COL4A4: variants seen among roughly 807,000 people sequenced by gnomAD.
The protein encoded by COL4A4 is collagen type IV alpha 4 chain.
COL4A4 carries 105 observed loss-of-function variants against 192.9 expected under a neutral mutation model. The ratio of observed to expected loss-of-function variants is 0.54; its 90% CI spans 0.46 to 0.64. The LOEUF (loss-of-function observed/expected upper bound fraction) is 0.64, where lower values mean the gene tolerates loss of function less well. Ranked by LOEUF, COL4A4 falls within the 30% of genes least tolerant of loss-of-function variation. The pLI, the probability that COL4A4 is intolerant of heterozygous loss-of-function variation, is 0.00. For missense variants in COL4A4, 1,967 were observed against 2,169.3 expected (o/e 0.91, Z 1.85); for synonymous variants, 762 against 769.9 (o/e 0.99, Z 0.17).
At chr2:227,141,535 G>T (rs189038822) in intron 3 of COL4A4, among the ~76,000 whole-genome samples, 2 of 151,992 alleles carry the variant, frequency 1.3e-5, no homozygotes, top group Non-Finnish European at 2.9e-5. Flanking sequence ...CTTTTCACTC[G>T]CACAGTTTAG....
intron 34 of COL4A4, 141 bp downstream of exon 34, chr2:227,049,927 T>C (rs1435426806): frequency 9.1e-6 from 7 of 770,372 alleles, no homozygotes; most frequent in Non-Finnish European, 1.6e-5. Flanking sequence ...TCTTGAGTGT[T>C]TGACTGTCTA....
chr2:227,041,848 G>GAGAAAGAAAGAGAAAGAAAGAGAA (rs1971310289), intron 37 of COL4A4, among the ~76,000 whole-genome samples: 1 of 38,692 alleles, frequency 2.6e-5, no homozygotes, highest in Non-Finnish European at 4.7e-5. Context: ...AAGAAAGAAA[G>GAGAAAGAAAGAGAAAGAAAGAGAA]AGAAAGAAAG....
rs1326593215 is a variant in COL4A4 at position 227,078,090 on chromosome 2, T to C, written c.1804-13A>G. The C allele has an allele frequency of 1.9e-6, 3 of 1,613,620 alleles. No individual in the cohort carries two copies. Among genetic ancestry groups the C allele is most frequent in the Admixed American group, 3.3e-5 (2 of 59,966 alleles). The stretch of plus-strand genomic sequence containing the variant: ...CTTCATGATCCCCCTGGGAATGTTA[T>C]GTCATGAGTCAATTACCAACCACTG... On this transcript the variant is annotated splice_polypyrimidine_tract_variant and intron_variant, in intron 24 of 47. Coordinates refer to ENST00000396625, the MANE Select transcript of COL4A4 (RefSeq NM_000092.5).
chr2:227,039,078 AC>A (rs1323310335), intron 37 of COL4A4, among the ~76,000 whole-genome samples: 1 of 152,174 alleles, frequency 6.6e-6, no homozygotes, highest in Non-Finnish European at 1.5e-5. Flanking sequence ...TTTTTAACAC[AC>A]TATTTCATAG....
At chr2:227,081,353 C>T (rs988903490) in intron 23 of COL4A4, among the ~76,000 whole-genome samples, 1 of 152,210 alleles carries the variant, frequency 6.6e-6, no homozygotes, top group East Asian at 1.9e-4. Context: ...TGGCTTTCAT[C>T]TTTCTCCTGT....
intron 4 of COL4A4, among the ~76,000 whole-genome samples, chr2:227,130,059 G>C (rs1437677312): frequency 6.6e-6 from 1 of 152,160 alleles, no homozygotes; most frequent in East Asian, 1.9e-4. Context: ...GCAGGAAAAA[G>C]GCCCGTTAGG....
At chr2:227,111,625 C>G (rs1469763521) in intron 9 of COL4A4, 53 bp downstream of exon 9, 1 of 1,584,094 alleles carries the variant, frequency 6.3e-7, no homozygotes, top group Non-Finnish European at 8.7e-7. Context: ...AAACGTGGAT[C>G]ATAGGCTATT....
chr2:227,100,465 AAAT>A (rs1325850592), intron 17 of COL4A4, among the ~76,000 whole-genome samples: 1 of 152,238 alleles, frequency 6.6e-6, no homozygotes, highest in Non-Finnish European at 1.5e-5. Context: ...CCAATGATAA[AAAT>A]AATAAAACAA....
At chr2:226,987,236 A>G in the COL4A4 span, among the ~76,000 whole-genome samples, 6 of 152,196 alleles carry the variant, frequency 3.9e-5, no homozygotes, top group African/African-American at 9.6e-5. Flanking sequence ...TCTGGGGCTT[A>G]TAACGAGATG....
the COL4A4 span, among the ~76,000 whole-genome samples, chr2:226,972,750 T>C: frequency 6.6e-6 from 1 of 152,184 alleles, no homozygotes; most frequent in Non-Finnish European, 1.5e-5. Context: ...GGCTCTCTGC[T>C]CACACTCGGC....
chr2:227,014,847 G>A (rs1038655731), intron 44 of COL4A4, among the ~76,000 whole-genome samples: 2 of 149,940 alleles, frequency 1.3e-5, no homozygotes, highest in Admixed American at 1.3e-4. Flanking sequence ...TAAAGGTACT[G>A]CCTCCCGAGT....
chr2:227,094,347 G>C, intron 19 of COL4A4, 58 bp from the exon 20 acceptor site: 1 of 1,554,246 alleles, frequency 6.4e-7, no homozygotes. Flanking sequence ...CGTCTCTGTA[G>C]AAGAAATCAA....
At chr2:227,095,914 A>C (rs549432385) in intron 19 of COL4A4, among the ~76,000 whole-genome samples, 1 of 151,506 alleles carries the variant, frequency 6.6e-6, no homozygotes, top group African/African-American at 2.4e-5. Context: ...AAAAAGAAAC[A>C]AAAAAAAAGA....
chr2:226,998,634 TAG>T (rs1430310668), downstream of COL4A4: 1 of 152,186 alleles, frequency 6.6e-6, no homozygotes, highest in Non-Finnish European at 1.5e-5. Context: ...ACTCTCAGCT[TAG>T]AGAGTCACAG....
At chr2:227,104,198 A>C in intron 12 of COL4A4, 146 bp from the exon 13 acceptor site, 1 of 718,078 alleles carries the variant, frequency 1.4e-6, no homozygotes, top group Non-Finnish European at 2.5e-6. Flanking sequence ...AGAATATAAA[A>C]GGATATTTAT....
intron 25 of COL4A4, among the ~76,000 whole-genome samples, chr2:227,073,002 C>T (rs565942012): frequency 3.9e-5 from 6 of 152,032 alleles, no homozygotes; most frequent in Non-Finnish European, 8.8e-5. Flanking sequence ...AGGATGCCCA[C>T]TTTCACCACT....
At chr2:227,016,212 C>A (rs1964822741) in intron 44 of COL4A4, among the ~76,000 whole-genome samples, 1 of 152,096 alleles carries the variant, frequency 6.6e-6, no homozygotes, top group Admixed American at 6.6e-5. Flanking sequence ...AAACAGCCCT[C>A]CAGGATAAAG....
chr2:227,029,760 C>T (rs1967848544), intron 41 of COL4A4, among the ~76,000 whole-genome samples: 1 of 152,170 alleles, frequency 6.6e-6, no homozygotes, highest in East Asian at 1.9e-4. Flanking sequence ...CAAATATTAG[C>T]AGTTGGATAA....
chr2:227,054,743 G>A lies in COL4A4; in HGVS notation c.2717-6C>T, dbSNP rs1178831425. 3.1e-6 allele frequency: 5 copies of A among 1,613,334 alleles called. No homozygotes were observed. Among genetic ancestry groups the A allele is most frequent in the Admixed American group, 1.7e-5 (1 of 59,960 alleles). On this transcript the variant is annotated splice_polypyrimidine_tract_variant and splice_region_variant and intron_variant, in intron 30 of 47. Coordinates refer to ENST00000396625, the MANE Select transcript of COL4A4 (RefSeq NM_000092.5). ...ACCAGGCAGCCCCCGGGGTCCTGGT[G>A]AAATGAGAGCATAAAGTTTTAGGAA...
Sources: allele counts gnomAD v4.1 joint callset (sites outside exome capture counted in the v4.1 genomes callset), GRCh38; gene constraint gnomAD v4.1.1; transcripts MANE v1.5; gene names NCBI Gene and HGNC (gene_info 2026-07-23, HGNC 2026-07-21).